KIF14: variants seen among roughly 807,000 people sequenced by gnomAD.
KIF14 encodes kinesin-like protein KIF14.
KIF14 carries 98 observed loss-of-function variants against 176.2 expected under a neutral mutation model. The observed-to-expected ratio is 0.56, with a 90% CI of 0.47 to 0.66. The LOEUF (loss-of-function observed/expected upper bound fraction) is 0.66, where lower values mean the gene tolerates loss of function less well. KIF14 is among the 30% of genes least tolerant of loss of function. KIF14 has a pLI of 0.00. For synonymous variants in KIF14, 566 were observed against 632.2 expected (o/e 0.90, Z 1.57); for missense variants, 1,751 against 1,920.4 (o/e 0.91, Z 1.65).
At chr1:200,601,612 T>G (rs946388416) in intron 11 of KIF14, among the ~76,000 whole-genome samples, 1 of 152,232 alleles carries the variant, frequency 6.6e-6, no homozygotes, top group Non-Finnish European at 1.5e-5. Context: ...GGCATTTTGC[T>G]GCACACGTCT....
intron 3 of KIF14, among the ~76,000 whole-genome samples, chr1:200,614,739 CTG>C (rs1660320731): frequency 1.5e-5 from 2 of 136,854 alleles, no homozygotes; most frequent in African/African-American, 5.4e-5. Flanking sequence ...CCCCTCCACG[CTG>C]TGGACTGTGG....
intron 22 of KIF14, among the ~76,000 whole-genome samples, chr1:200,572,440 G>GTT (rs1265346946): frequency 6.6e-6 from 1 of 152,144 alleles, no homozygotes; most frequent in Middle Eastern, 3.2e-3. Flanking sequence ...TGCCTCCTGG[G>GTT]TTCATACCAT....
At chr1:200,618,875 A>T in intron 1 of KIF14, 37 bp from the exon 2 acceptor site, 1 of 617,440 alleles carries the variant, frequency 1.6e-6, no homozygotes, top group Non-Finnish European at 2.7e-6. Flanking sequence ...CACACAGACT[A>T]CAAACAAGCT....
intron 10 of KIF14, among the ~76,000 whole-genome samples, 170 bp downstream of exon 10, chr1:200,603,056 A>G (rs1243615812): frequency 6.6e-6 from 1 of 152,248 alleles, no homozygotes; most frequent in Admixed American, 6.5e-5. Flanking sequence ...CCAAAGTCAC[A>G]GAGCTTATAA....
intron 23 of KIF14, among the ~76,000 whole-genome samples, chr1:200,567,453 G>C (rs1283614367): frequency 6.7e-6 from 1 of 150,032 alleles, no homozygotes; most frequent in Non-Finnish European, 1.5e-5. Context: ...GTTGAGGCAG[G>C]AGAATGGCGT....
In KIF14 at chr1:200,602,005, A is replaced by T. The variant is rs538922037; in HGVS notation, c.2043T>A (p.Ala681=). Residue 681 remains alanine (A), a synonymous_variant, in exon 11 of 30, where the codon GCT becomes GCA. Coordinates refer to ENST00000367350, the MANE Select transcript of KIF14 (RefSeq NM_014875.3). The stretch of plus-strand genomic sequence containing the variant: ...TTAATGTTTCTTCTATGTTGCTGGC[A>T]GCGGGACTAATCGTAGCAATCATTG... ...KTAMIATISP[A]ASNIEETLST... 6.2e-7 allele frequency: 1 copy of T among 1,613,956 alleles called. No homozygotes were observed. Among genetic ancestry groups the T allele is most frequent in the Non-Finnish European group, 8.5e-7 (1 of 1,179,902 alleles).
In KIF14 at chr1:200,553,145, T is replaced by G; in HGVS notation, c.*243A>C. The G allele has an allele frequency of 8.0e-6, 2 of 250,098 alleles. No homozygotes were observed. The highest frequency in any genetic ancestry group is 1.5e-5 in the Non-Finnish European group (2 of 133,404). 15.5% of individuals were successfully genotyped at this position (250,098 alleles called of 1,614,324 possible). A position where few individuals can be genotyped will look rare whatever the true frequency, so the allele number is the denominator to read the frequency against. ...TTTTAGTAGAGACGGGGTTTCGCCA[T>G]GTTGGCCAGGCCGGTCTCAAACTCC... On this transcript the variant is annotated 3_prime_UTR_variant, in exon 30 of 30. Coordinates refer to ENST00000367350, the MANE Select transcript of KIF14 (RefSeq NM_014875.3).
At chr1:200,607,920 C>T (rs1331830289) in intron 5 of KIF14, among the ~76,000 whole-genome samples, 2 of 152,054 alleles carry the variant, frequency 1.3e-5, no homozygotes, top group African/African-American at 4.8e-5. Context: ...AGGATGGTCT[C>T]CATCTCTTGA....
rs1319683723 is a variant in KIF14, at chr1:200,593,738, T to C, written c.2581A>G (p.Ile861Val). The change falls in exon 15 of 30, where the codon ATT (isoleucine) becomes GTT (valine). Residue 861 changes from isoleucine to valine, a missense_variant. Transcript: ENST00000367350. The part of the protein sequence containing the change: ...TIKNFGGTVS[I>V]IPVGEAKTYV... The stretch of plus-strand genomic sequence containing the variant: ...GTCTTTGCTTCCCCAACTGGGATAA[T>C]ACTCACTGTCCCACCAAAATTTTTG... 1 of 1,612,440 alleles carries C rather than the reference T, an allele frequency of 6.2e-7. No homozygotes were observed.
chr1:200,590,770 A>G (rs1033854730), intron 16 of KIF14, among the ~76,000 whole-genome samples: 1 of 152,206 alleles, frequency 6.6e-6, no homozygotes, highest in African/African-American at 2.4e-5. Context: ...CACGCCTGTA[A>G]TCCCAGCACT....
intron 23 of KIF14, among the ~76,000 whole-genome samples, chr1:200,569,028 C>A (rs537556832): frequency 6.7e-6 from 1 of 150,226 alleles, no homozygotes; most frequent in East Asian, 2.0e-4. Context: ...CAGGTTCAAG[C>A]GATTCTCCCG....
Position 200,614,347 on chromosome 1 carries a change from A to C in KIF14, c.1426T>G (p.Ser476Ala). ...IIPRFCEDLFSQVARKQTQEV... is the reference protein window; with the variant it reads ...IIPRFCEDLFAQVARKQTQEV... ...TGGGTTTGTTTTCTGGCTACTTGAG[A>C]AAAAAGATCTTCACAAAATCTTGGA... is the stretch of plus-strand genomic sequence containing the variant. The change falls in exon 4 of 30, where the codon TCT becomes GCT. Residue 476 changes from serine (S) to alanine (A), a missense_variant. Coordinates refer to ENST00000367350, the MANE Select transcript of KIF14 (RefSeq NM_014875.3). 5.6e-6 allele frequency: 9 copies of C among 1,608,126 alleles called. No homozygotes were observed. The highest frequency in any genetic ancestry group is 7.7e-6 in the Non-Finnish European group (9 of 1,175,130).
chr1:200,554,610 T>C lies in KIF14; in HGVS notation c.4429-4A>G. The stretch of plus-strand genomic sequence containing the variant: ...GTACTTGCCTTCTGAAACTTTTCTG[T>C]ATAAATAAAGTTAATATTTAAAATA... On this transcript the variant is annotated splice_region_variant and splice_polypyrimidine_tract_variant and intron_variant, in intron 28 of 29. Coordinates refer to ENST00000367350, the MANE Select transcript of KIF14 (RefSeq NM_014875.3). The C allele has an allele frequency of 1.4e-6, 2 of 1,411,788 alleles. No homozygotes were observed. The highest frequency in any genetic ancestry group is 2.0e-6 in the Non-Finnish European group (2 of 1,014,354). 87.5% of individuals were successfully genotyped at this position (1,411,788 alleles called of 1,614,324 possible). A position where few individuals can be genotyped will look rare whatever the true frequency, so the allele number is the denominator to read the frequency against.
intron 29 of KIF14, 133 bp downstream of exon 29, chr1:200,554,335 G>A (rs1656715327): frequency 5.3e-6 from 3 of 569,824 alleles, no homozygotes; most frequent in Non-Finnish European, 6.1e-6. Flanking sequence ...AGGTTGCAGT[G>A]AGCTGAAATC....
At chr1:200,591,577 G>C (rs997419359) in intron 16 of KIF14, among the ~76,000 whole-genome samples, 1 of 152,086 alleles carries the variant, frequency 6.6e-6, no homozygotes, top group Non-Finnish European at 1.5e-5. Context: ...GAAATCCTAC[G>C]ATACTGCATG....
rs747117003 is a variant in KIF14, at chr1:200,600,511, T to C, written c.2153-8A>G. The C allele has an allele frequency of 1.2e-6, 2 of 1,600,410 alleles. No homozygotes were observed. Among genetic ancestry groups the C allele is most frequent in the East Asian group, 2.2e-5 (1 of 44,798 alleles). On this transcript the variant is annotated splice_polypyrimidine_tract_variant and splice_region_variant and intron_variant, in intron 11 of 29. Transcript: ENST00000367350. ...CAATTTCTGCCTTCAATTCTGAAGA[T>C]TTATACAAAGATGCATTAATAATAA...
chr1:200,586,331 T>A, intron 18 of KIF14, 104 bp from the exon 19 acceptor site: 1 of 959,666 alleles, frequency 1.0e-6, no homozygotes, highest in Non-Finnish European at 1.5e-6. Context: ...TTCACTACAG[T>A]AACCATTTTA....
At chr1:200,588,071 G>A (rs1254533587) in intron 18 of KIF14, among the ~76,000 whole-genome samples, 1 of 152,082 alleles carries the variant, frequency 6.6e-6, no homozygotes, top group Non-Finnish European at 1.5e-5. Context: ...CCATTTGAGA[G>A]AGTAAAACCT....
Position 200,592,167 on chromosome 1 carries a change from C to T in KIF14, c.2726G>A (p.Arg909Lys). The change falls in exon 16 of 30, where the codon AGG (arginine) becomes AAG (lysine). Residue 909 changes from arginine to lysine, a missense_variant. Physicochemically the swap from Arg to Lys is conservative, Grantham distance 26. Coordinates refer to ENST00000367350, the MANE Select transcript of KIF14 (RefSeq NM_014875.3). Reference sequence around the variant, plus strand: ...TATAGGAGTATCTCTTCCAGATGGCCTTTTTCCTTTCTGGACTTCTACTGG... The same window carrying T: ...TATAGGAGTATCTCTTCCAGATGGCTTTTTTCCTTTCTGGACTTCTACTGG... ...NHPVEVQKGK[R>K]PSGRDTPISE... 1.9e-6 allele frequency: 3 copies of T among 1,613,278 alleles called. No individual in the cohort carries two copies. Among genetic ancestry groups the T allele is most frequent in the Non-Finnish European group, 2.5e-6 (3 of 1,179,544 alleles).
Sources: allele counts gnomAD v4.1 joint callset (sites outside exome capture counted in the v4.1 genomes callset), GRCh38; gene constraint gnomAD v4.1.1; transcripts MANE v1.5; gene names NCBI Gene and HGNC (gene_info 2026-07-23, HGNC 2026-07-21).